Variants in C1orf74 observed in about 807,000 individuals in gnomAD.
C1orf74 encodes the protein UPF0739 protein C1orf74.
Under a neutral mutation model 7.3 loss-of-function variants are expected in C1orf74, and 5 were observed. The observed-to-expected ratio is 0.68, with a 90% CI of 0.36 to 1.44. The LOEUF is 1.44. Among genes scored for constraint, C1orf74 ranks in the 40% most tolerant of loss-of-function variants. The pLI, the probability that C1orf74 is intolerant of heterozygous loss-of-function variation, is 0.04. For missense variants in C1orf74, 291 were observed against 314.3 expected (o/e 0.93, Z 0.56); for synonymous variants, 121 against 132.5 (o/e 0.91, Z 0.59).
chr1:209,783,863 G>C (rs1242272281), intron 1 of C1orf74, among the ~76,000 whole-genome samples, 154 bp from the exon 2 acceptor site: 1 of 152,012 alleles, frequency 6.6e-6, no homozygotes, highest in East Asian at 1.9e-4. Context: ...TGGTTGACTT[G>C]GTCTCCCTCA....
At position 209,780,649 on chromosome 1, in the gene C1orf74, A is replaced by C. The variant is rs749978083; in HGVS notation, c.*2176T>G. On this transcript the variant is annotated 3_prime_UTR_variant, in exon 2 of 2. Transcript: ENST00000294811. ...GATAGTGAGGGCTCATTTGCGAAAT[A>C]GCAGAGAAACCTGGGAGGCAGTCAA... 1.0e-5 allele frequency: 15 copies of C among 1,469,644 alleles called. No individual in the cohort carries two copies. The East Asian group carries it at 3.8e-4, about 37-fold the overall frequency. The allele number at this position is 1,469,644 out of a possible 1,614,324, so 91.0% of individuals were successfully genotyped here. A position where few individuals can be genotyped will look rare whatever the true frequency, so the allele number is the denominator to read the frequency against.
Position 209,783,036 on chromosome 1 carries a change from A to C in C1orf74, c.599T>G (p.Leu200Arg), listed in dbSNP as rs149080977. The C allele has an allele frequency of 1.3e-5, 21 of 1,614,096 alleles. No homozygotes were observed. Among genetic ancestry groups the C allele is most frequent in the African/African-American group, 4.0e-5 (3 of 74,934 alleles). The part of the protein sequence containing the change: ...GDDNCLALTP[L>R]RVFTARISWL... Reference sequence around the variant, plus strand: ...TGAGATCCGGGCAGTGAATACTCGTAGTGGAGTCAGAGCTAAGCAGTTGTC... The same window carrying C: ...TGAGATCCGGGCAGTGAATACTCGTCGTGGAGTCAGAGCTAAGCAGTTGTC... Residue 200 changes from leucine to arginine, a missense_variant, in exon 2 of 2, where the codon CTA becomes CGA. Coordinates refer to ENST00000294811, the MANE Select transcript of C1orf74 (RefSeq NM_152485.4).
chr1:209,779,366 C>T lies in C1orf74; in HGVS notation c.*3459G>A, dbSNP rs749734348. 1.1e-5 allele frequency: 17 copies of T among 1,613,938 alleles called. No individual in the cohort carries two copies. The highest frequency in any genetic ancestry group is 1.4e-5 in the Non-Finnish European group (17 of 1,179,790). On this transcript the variant is annotated 3_prime_UTR_variant, in exon 2 of 2. Coordinates refer to ENST00000294811, the MANE Select transcript of C1orf74 (RefSeq NM_152485.4). ...CTTCAAGAACAGGAGAAACTCTTAA[C>T]AAAGAAAGGTCAGCAAATTTATTAC...
rs765362332 is a variant in C1orf74, at chr1:209,780,423, C to T, written c.*2402G>A. On this transcript the variant is annotated 3_prime_UTR_variant, in exon 2 of 2. Transcript: ENST00000294811. ...TGGTTTCACCCTCAGGGCCCTTCCT[C>T]AGAGGTGTGGGCCTCACTGTCACCA... The T allele has an allele frequency of 9.6e-6, 14 of 1,465,656 alleles. No homozygotes were observed. Among genetic ancestry groups the T allele is most frequent in the Non-Finnish European group, 1.2e-5 (13 of 1,097,616 alleles). 90.8% of individuals were successfully genotyped at this position (1,465,656 alleles called of 1,614,324 possible).
chr1:209,783,220 C>T lies in C1orf74; in HGVS notation c.415G>A (p.Val139Met), dbSNP rs1169454924. 6.2e-7 allele frequency: 1 copy of T among 1,614,086 alleles called. No individual in the cohort carries two copies. ...TGCAAATGTGTGATGATCTCAGCCA[C>T]GAGGGCCTTCAAGTCCTGAAGCTGG... ...LDQLQDLKAL[V>M]AEIITHLQGL... Residue 139 changes from valine (V) to methionine (M), a missense_variant, in exon 2 of 2, where the codon GTG becomes ATG. By Grantham distance (21) the Val-to-Met change is conservative. Coordinates refer to ENST00000294811, the MANE Select transcript of C1orf74 (RefSeq NM_152485.4).
intron 1 of C1orf74, 47 bp from the exon 2 acceptor site, chr1:209,783,756 A>AT: frequency 1.3e-6 from 1 of 796,348 alleles, no homozygotes; most frequent in Non-Finnish European, 2.0e-6. Context: ...CTTCCTGTTA[A>AT]ATCGCGGTAT....
Position 209,782,765 on chromosome 1 carries a change from C to T in C1orf74, c.*60G>A. The stretch of plus-strand genomic sequence containing the variant: ...ATTGGCAGTTGAGATGATTATTTGC[C>T]ATCCCCAACCTAGAGATGATCATTT... On this transcript the variant is annotated 3_prime_UTR_variant, in exon 2 of 2. Transcript: ENST00000294811. 6.6e-7 allele frequency: 1 copy of T among 1,515,170 alleles called. No individual in the cohort carries two copies. Among genetic ancestry groups the T allele is most frequent in the Non-Finnish European group, 9.0e-7 (1 of 1,112,926 alleles). 93.9% of individuals were successfully genotyped at this position (1,515,170 alleles called of 1,614,324 possible). A position where few individuals can be genotyped will look rare whatever the true frequency, so the allele number is the denominator to read the frequency against.
In C1orf74 at chr1:209,781,849, T is replaced by G; in HGVS notation, c.*976A>C. The G allele has an allele frequency of 1.7e-6, 1 of 574,606 alleles. No homozygotes were observed. The allele number at this position is 574,606 out of a possible 1,614,324, so 35.6% of individuals were successfully genotyped here. A position where few individuals can be genotyped will look rare whatever the true frequency, so the allele number is the denominator to read the frequency against. On this transcript the variant is annotated 3_prime_UTR_variant, in exon 2 of 2. Coordinates refer to ENST00000294811, the MANE Select transcript of C1orf74 (RefSeq NM_152485.4). ...CAGTATTTATATATCTGGTCCCTGA[T>G]GGATACGGCTCCCTGGGCCAGAGAA...
Position 209,783,084 on chromosome 1 carries a change from G to A in C1orf74, c.551C>T (p.Thr184Ile). Residue 184 changes from threonine to isoleucine, a missense_variant, in exon 2 of 2, where the codon ACC becomes ATC. Physicochemically the swap from Thr to Ile is moderately conservative, Grantham distance 89. Transcript: ENST00000294811. ...GTCATCTCCCTGGTTCAGGTGAAAG[G>A]TATAGGGAACAGGATAGCCCAGGAG... ...GILLGYPVPY[T>I]FHLNQGDDNC... 1 of 1,614,192 alleles carries A rather than the reference G, an allele frequency of 6.2e-7. No individual in the cohort carries two copies. The highest frequency in any genetic ancestry group is 8.5e-7 in the Non-Finnish European group (1 of 1,180,042).
In C1orf74 at chr1:209,782,672, A is replaced by G; in HGVS notation, c.*153T>C. 1.3e-6 allele frequency: 1 copy of G among 774,798 alleles called. No individual in the cohort carries two copies. 48.0% of individuals were successfully genotyped at this position (774,798 alleles called of 1,614,324 possible). Reference sequence around the variant, plus strand: ...CTACTAGCACCACCATTACCTATTTACATGCCCTTTGCATTTGTGGCCAAC... The same window carrying G: ...CTACTAGCACCACCATTACCTATTTGCATGCCCTTTGCATTTGTGGCCAAC... On this transcript the variant is annotated 3_prime_UTR_variant, in exon 2 of 2. Coordinates refer to ENST00000294811, the MANE Select transcript of C1orf74 (RefSeq NM_152485.4).
In C1orf74 at chr1:209,781,285, CTGCCTGGGCTCTGTCCTAGACAGAAGT is replaced by C; in HGVS notation, c.*1513_*1539del. ...TGAAACTTACAAAGGGCAGTCTCCC[CTGCCTGGGCTCTGTCCTAGACAGAAGT>C]GACAGTGATGACTTTGGTGATGTTC... On this transcript the variant is annotated 3_prime_UTR_variant, in exon 2 of 2. Coordinates refer to ENST00000294811, the MANE Select transcript of C1orf74 (RefSeq NM_152485.4). The C allele has an allele frequency of 8.3e-7, 1 of 1,207,808 alleles. No individual in the cohort carries two copies. The highest frequency in any genetic ancestry group is 1.2e-6 in the Non-Finnish European group (1 of 822,884). 74.8% of individuals were successfully genotyped at this position (1,207,808 alleles called of 1,614,324 possible). A position where few individuals can be genotyped will look rare whatever the true frequency, so the allele number is the denominator to read the frequency against.
rs1428467663 is a variant in C1orf74 at position 209,782,928 on chromosome 1, T to C, written c.707A>G (p.Asn236Ser). 3 of 1,613,966 alleles carry C rather than the reference T, an allele frequency of 1.9e-6. No homozygotes were observed. Among genetic ancestry groups the C allele is most frequent in the African/African-American group, 2.7e-5 (2 of 74,888 alleles). ...GGTTCTGAGGTCCTTCTCCCAGGTG[T>C]TTAGAATGTCCCTCAGGCCTGGGAA... Reference protein sequence around the residue: ...SLFPGLRDILNTWEKDLRTRF... With the variant: ...SLFPGLRDILSTWEKDLRTRF... The change falls in exon 2 of 2, where the codon AAC becomes AGC. Residue 236 changes from asparagine (N) to serine (S), a missense_variant. Asn to Ser is a conservative substitution (Grantham distance 46). Coordinates refer to ENST00000294811, the MANE Select transcript of C1orf74 (RefSeq NM_152485.4).
rs781281769 is a variant in C1orf74, at chr1:209,783,211, T to G, written c.424A>C (p.Ile142Leu). The part of the protein sequence containing the change: ...LQDLKALVAE[I>L]ITHLQGLQRD... ...TGCAGCCCCTGCAAATGTGTGATGATCTCAGCCACGAGGGCCTTCAAGTCC... is the reference window on the plus strand; with the variant it reads ...TGCAGCCCCTGCAAATGTGTGATGAGCTCAGCCACGAGGGCCTTCAAGTCC... The change falls in exon 2 of 2, where the codon ATC becomes CTC. Residue 142 changes from isoleucine (I) to leucine (L), a missense_variant. Physicochemically the swap from Ile to Leu is conservative, Grantham distance 5. Transcript: ENST00000294811. The G allele has an allele frequency of 1.2e-6, 2 of 1,614,078 alleles. No homozygotes were observed. Among genetic ancestry groups the G allele is most frequent in the Non-Finnish European group, 1.7e-6 (2 of 1,180,012 alleles).
At position 209,780,403 on chromosome 1, in the gene C1orf74, T is replaced by C; in HGVS notation, c.*2422A>G. 7 of 1,396,158 alleles carry C rather than the reference T, an allele frequency of 5.0e-6. No individual in the cohort carries two copies. The highest frequency in any genetic ancestry group is 5.7e-6 in the Non-Finnish European group (6 of 1,060,086). The allele number at this position is 1,396,158 out of a possible 1,614,324, so 86.5% of individuals were successfully genotyped here. On this transcript the variant is annotated 3_prime_UTR_variant, in exon 2 of 2. Transcript: ENST00000294811. The stretch of plus-strand genomic sequence containing the variant: ...TCCCCTCTCCCCACTCCTAGTGGTT[T>C]CACCCTCAGGGCCCTTCCTCAGAGG...
At position 209,782,768 on chromosome 1, in the gene C1orf74, C is replaced by A; in HGVS notation, c.*57G>T. The A allele has an allele frequency of 5.9e-6, 9 of 1,529,938 alleles. No homozygotes were observed. The highest frequency in any genetic ancestry group is 8.0e-6 in the Non-Finnish European group (9 of 1,122,972). 94.8% of individuals were successfully genotyped at this position (1,529,938 alleles called of 1,614,324 possible). On this transcript the variant is annotated 3_prime_UTR_variant, in exon 2 of 2. Coordinates refer to ENST00000294811, the MANE Select transcript of C1orf74 (RefSeq NM_152485.4). The stretch of plus-strand genomic sequence containing the variant: ...GGCAGTTGAGATGATTATTTGCCAT[C>A]CCCAACCTAGAGATGATCATTTACT...
rs1266201744 is a variant in C1orf74 at position 209,782,477 on chromosome 1, C to G, written c.*348G>C. The G allele has an allele frequency of 2.6e-5, 12 of 466,562 alleles. No homozygotes were observed. In the Admixed American group the frequency reaches 4.0e-4, roughly 16 times the overall value. The allele number at this position is 466,562 out of a possible 1,614,324, so 28.9% of individuals were successfully genotyped here. A position where few individuals can be genotyped will look rare whatever the true frequency, so the allele number is the denominator to read the frequency against. On this transcript the variant is annotated 3_prime_UTR_variant, in exon 2 of 2. Coordinates refer to ENST00000294811, the MANE Select transcript of C1orf74 (RefSeq NM_152485.4). ...CCTAGCATGCAGCACCCACATAGAGCAGGTATATTTACAAGGTTACCATGC... is the reference window on the plus strand; with the variant it reads ...CCTAGCATGCAGCACCCACATAGAGGAGGTATATTTACAAGGTTACCATGC...
In C1orf74 at chr1:209,783,611, T is replaced by C. The variant is rs763479699; in HGVS notation, c.24A>G (p.Ser8=). 9.4e-6 allele frequency: 15 copies of C among 1,601,654 alleles called. No individual in the cohort carries two copies. The highest frequency in any genetic ancestry group is 1.3e-5 in the Non-Finnish European group (15 of 1,174,494). Residue 8 remains serine, a synonymous_variant, in exon 2 of 2, where the codon TCA becomes TCG. Coordinates refer to ENST00000294811, the MANE Select transcript of C1orf74 (RefSeq NM_152485.4). MLLLDLM[S]SPSPQLLVAA... ...CCACCAGCAGCTGAGGGCTCGGTGA[T>C]GACATGAGATCTAGAAGCAACATCA... is the stretch of plus-strand genomic sequence containing the variant.
At position 209,781,682 on chromosome 1, in the gene C1orf74, T is replaced by C; in HGVS notation, c.*1143A>G. 2.0e-6 allele frequency: 1 copy of C among 503,128 alleles called. No homozygotes were observed. Among genetic ancestry groups the C allele is most frequent in the South Asian group, 2.4e-5 (1 of 42,176 alleles). The allele number at this position is 503,128 out of a possible 1,614,324, so 31.2% of individuals were successfully genotyped here. ...ACTCTCAATGCCAGAAGGAAAGACT[T>C]ACTCTTAGCTAAAGTATGAAAGGGT... On this transcript the variant is annotated 3_prime_UTR_variant, in exon 2 of 2. Transcript: ENST00000294811.
chr1:209,782,759 A>C lies in C1orf74; in HGVS notation c.*66T>G. 2 of 1,492,358 alleles carry C rather than the reference A, an allele frequency of 1.3e-6. No homozygotes were observed. The highest frequency in any genetic ancestry group is 4.5e-5 in the East Asian group (2 of 44,134). The allele number at this position is 1,492,358 out of a possible 1,614,324, so 92.4% of individuals were successfully genotyped here. ...CTTGGAATTGGCAGTTGAGATGATTATTTGCCATCCCCAACCTAGAGATGA... is the reference window on the plus strand; with the variant it reads ...CTTGGAATTGGCAGTTGAGATGATTCTTTGCCATCCCCAACCTAGAGATGA... On this transcript the variant is annotated 3_prime_UTR_variant, in exon 2 of 2. Coordinates refer to ENST00000294811, the MANE Select transcript of C1orf74 (RefSeq NM_152485.4).
Sources: allele counts gnomAD v4.1 joint callset (sites outside exome capture counted in the v4.1 genomes callset), GRCh38; gene constraint gnomAD v4.1.1; transcripts MANE v1.5; gene names NCBI Gene and HGNC (gene_info 2026-07-23, HGNC 2026-07-21).